NWD2: variants seen among roughly 807,000 people sequenced by gnomAD.
The protein encoded by NWD2 is NACHT and WD repeat domain containing 2, also known as NACHT and WD repeat domain-containing protein 2.
In NWD2, 37 loss-of-function variants were observed where a neutral mutation model predicts 132.7. The ratio of observed to expected loss-of-function variants is 0.28; its 90% CI spans 0.21 to 0.37. The LOEUF is 0.37. Among genes scored for constraint, NWD2 ranks in the 10% least tolerant of loss-of-function variants. The probability of loss-of-function intolerance (pLI) is 1.00; values close to 1 mark genes in which losing one functional copy is unlikely to be tolerated. For synonymous variants in NWD2, 705 were observed against 803.0 expected, an observed-to-expected ratio of 0.88 and a Z score of 2.06; for missense variants, 1,592 against 2,122.4, an observed-to-expected ratio of 0.75 and a Z score of 4.91.
At chr4:37,381,725 A>T (rs1457315764) in intron 3 of NWD2, among the ~76,000 whole-genome samples, 1 of 152,210 alleles carries the variant, frequency 6.6e-6, no homozygotes, top group Non-Finnish European at 1.5e-5. Flanking sequence ...GAGGTTCTGT[A>T]CCAAGCTGAA....
chr4:37,444,896 G>A lies in NWD2; in HGVS notation c.2908G>A (p.Val970Ile), dbSNP rs1390347420. Residue 970 changes from valine (V) to isoleucine (I), a missense_variant, in exon 7 of 7, where the codon GTC (valine) becomes ATC (isoleucine). Val to Ile is a conservative substitution (Grantham distance 29). Transcript: ENST00000309447. The surrounding 1 kb of genome is among the most constrained non-coding windows in gnomAD (Gnocchi z 4.8). Reference protein sequence around the residue: ...RLPLSSSHLHVTEILPTCNPS... With the variant: ...RLPLSSSHLHITEILPTCNPS... ...TCCCTTATCATCCAGTCACCTGCAT[G>A]TCACAGAGATCCTGCCTACCTGTAA... 7 of 1,552,164 alleles carry A rather than the reference G, an allele frequency of 4.5e-6. No individual in the cohort carries two copies. Among genetic ancestry groups the A allele is most frequent in the Middle Eastern group, 3.3e-4 (2 of 6,020 alleles).
At chr4:37,441,657 C>T (rs1712487443) in intron 6 of NWD2, among the ~76,000 whole-genome samples, 1 of 152,158 alleles carries the variant, frequency 6.6e-6, no homozygotes, top group Non-Finnish European at 1.5e-5. Context: ...GATATTTTGT[C>T]CAATAGCCTG....
intron 3 of NWD2, among the ~76,000 whole-genome samples, chr4:37,418,785 G>A (rs1431168014): frequency 6.6e-6 from 1 of 152,094 alleles, no homozygotes; most frequent in African/African-American, 2.4e-5. Flanking sequence ...CTCACCAACA[G>A]TGTAAAAGCG....
chr4:37,291,630 C>T (rs1015118081), intron 1 of NWD2, among the ~76,000 whole-genome samples: 2 of 151,970 alleles, frequency 1.3e-5, no homozygotes, highest in Non-Finnish European at 1.5e-5. Flanking sequence ...GTAGCCTTTA[C>T]TGTCAGTAGT....
intron 3 of NWD2, among the ~76,000 whole-genome samples, chr4:37,368,114 C>T (rs1485183618): frequency 6.6e-6 from 1 of 152,116 alleles, no homozygotes; most frequent in Non-Finnish European, 1.5e-5. Flanking sequence ...ATACTTCTCT[C>T]TGGTAGGGAA....
intron 3 of NWD2, among the ~76,000 whole-genome samples, chr4:37,377,619 A>T (rs1350727775): frequency 6.6e-6 from 1 of 152,184 alleles, no homozygotes; most frequent in Non-Finnish European, 1.5e-5. Flanking sequence ...CTGTAATCCT[A>T]GCTACTCAGG....
Position 37,443,683 on chromosome 4 carries a change from C to T in NWD2, c.1695C>T (p.Asn565=), listed in dbSNP as rs1285871538. The change falls in exon 7 of 7, where the codon AAC becomes AAT. Residue 565 remains asparagine (N), a synonymous_variant. Transcript: ENST00000309447. The surrounding 1 kb of genome is among the most constrained non-coding windows in gnomAD (Gnocchi z 4.1). ...KLRCLIHEED[N]YIELIPRDRK... ...GGTGCCTTATCCATGAAGAAGACAA[C>T]TACATCGAGCTGATTCCCCGAGACA... is the stretch of plus-strand genomic sequence containing the variant. 2 of 1,552,116 alleles carry T rather than the reference C, an allele frequency of 1.3e-6. No homozygotes were observed. Among genetic ancestry groups the T allele is most frequent in the East Asian group, 4.9e-5 (2 of 40,916 alleles).
At chr4:37,273,966 C>T (rs1717933100) in intron 1 of NWD2, among the ~76,000 whole-genome samples, 1 of 151,896 alleles carries the variant, frequency 6.6e-6, no homozygotes, top group Admixed American at 6.6e-5. Flanking sequence ...TAAATGCCCA[C>T]AAGAGAAAGC....
chr4:37,393,421 A>ATG (rs1720718675), intron 3 of NWD2, among the ~76,000 whole-genome samples: 1 of 152,306 alleles, frequency 6.6e-6, no homozygotes, highest in Admixed American at 6.5e-5. Context: ...TTCCTAGGCT[A>ATG]TGTGTTGTCA....
chr4:37,248,354 T>C (rs1410029844), intron 1 of NWD2, among the ~76,000 whole-genome samples: 1 of 152,144 alleles, frequency 6.6e-6, no homozygotes, highest in Non-Finnish European at 1.5e-5. Context: ...TGTGCTGGAC[T>C]CTAATTGACA....
chr4:37,316,361 T>C (rs1042313673), intron 1 of NWD2, among the ~76,000 whole-genome samples: 3 of 152,134 alleles, frequency 2.0e-5, no homozygotes, highest in Admixed American at 6.5e-5. Context: ...TTAATTGTAA[T>C]GCTGTTCCCT....
At chr4:37,348,675 T>TATATATATATAC (rs1308407988) in intron 2 of NWD2, among the ~76,000 whole-genome samples, 22 of 22,562 alleles carry the variant, frequency 9.8e-4, no homozygotes, top group Non-Finnish European at 1.3e-3. Flanking sequence ...TATATATATA[T>TATATATATATAC]ACACACACAC....
At chr4:37,432,630 G>T (rs1413696646) in intron 4 of NWD2, among the ~76,000 whole-genome samples, 1 of 152,086 alleles carries the variant, frequency 6.6e-6, no homozygotes, top group Non-Finnish European at 1.5e-5. Context: ...GTGGGAGGAA[G>T]TCCTTTGTAA....
At chr4:37,312,247 C>T (rs371289301) in intron 1 of NWD2, among the ~76,000 whole-genome samples, 1 of 151,382 alleles carries the variant, frequency 6.6e-6, no homozygotes, top group African/African-American at 2.5e-5. Context: ...GATATTGATT[C>T]TTCCTACCCA....
chr4:37,405,283 G>C (rs1029081848), intron 3 of NWD2, among the ~76,000 whole-genome samples: 5 of 152,164 alleles, frequency 3.3e-5, no homozygotes, highest in African/African-American at 7.2e-5. Flanking sequence ...ATCTTGTGGA[G>C]AGCGACTCTA....
At chr4:37,248,433 C>G (rs1287869519) in intron 1 of NWD2, among the ~76,000 whole-genome samples, 1 of 152,174 alleles carries the variant, frequency 6.6e-6, no homozygotes, top group Non-Finnish European at 1.5e-5. Flanking sequence ...GAGAAGGACC[C>G]ATGTGGGGGA....
At chr4:37,313,991 T>C (rs1056631049) in intron 1 of NWD2, among the ~76,000 whole-genome samples, 5 of 151,702 alleles carry the variant, frequency 3.3e-5, no homozygotes, top group Non-Finnish European at 5.9e-5. Context: ...CCACTGCGCC[T>C]GGCCATTGCT....
chr4:37,445,711 A>T lies in NWD2; in HGVS notation c.3723A>T (p.Lys1241Asn). The change falls in exon 7 of 7, where the codon AAA becomes AAT. Residue 1241 changes from lysine to asparagine, a missense_variant. Around this residue, in one of 7 missense-constraint regions of NWD2, gnomAD observed 1,071 missense variants for 1,398.0 expected, o/e 0.77. Coordinates refer to ENST00000309447, the MANE Select transcript of NWD2 (RefSeq NM_001144990.2). The surrounding 1 kb of genome is among the most constrained non-coding windows in gnomAD (Gnocchi z 4.7). ...GCTTTATATCTGCCGTGCTGTCTAA[A>T]AATGGAGATTGTATCATCGCCACCA... ...NERFISAVLS[K>N]NGDCIIATME... 6.4e-7 allele frequency: 1 copy of T among 1,551,942 alleles called. No individual in the cohort carries two copies. Among genetic ancestry groups the T allele is most frequent in the Non-Finnish European group, 8.7e-7 (1 of 1,147,060 alleles).
intron 3 of NWD2, among the ~76,000 whole-genome samples, chr4:37,428,150 TA>T (rs1712058591): frequency 6.6e-6 from 1 of 152,220 alleles, no homozygotes; most frequent in African/African-American, 2.4e-5. Flanking sequence ...GACACAGATC[TA>T]CCAAGGACTT....
Sources: gnomAD v4.1 joint callset for allele counts (sites outside exome capture counted in the v4.1 genomes callset) on GRCh38, gnomAD v4.1.1 for gene constraint, gnomAD v4.1.1 regional missense constraint, Gnocchi (gnomAD v3.1) non-coding constraint, MANE v1.5 for transcripts, NCBI Gene and HGNC (gene_info 2026-07-23, HGNC 2026-07-21) for gene names.